Variants in TBP observed in about 807,000 individuals in gnomAD.
TBP encodes TATA-box binding protein.
Under a neutral mutation model 46.2 loss-of-function variants are expected in TBP, and 12 were observed. That is an observed-to-expected ratio of 0.26 (90% CI 0.17 to 0.42). The LOEUF is 0.42. Ranked by LOEUF, TBP falls within the 10% of genes least tolerant of loss-of-function variation. The pLI, the probability that TBP is intolerant of heterozygous loss-of-function variation, is 1.00. For missense variants in TBP, 229 were observed against 403.1 expected (o/e 0.57, Z 3.70); for synonymous variants, 157 against 148.3 (o/e 1.06, Z -0.42).
chr6:170,567,095 C>T, intron 5 of TBP, 86 bp downstream of exon 5: 1 of 913,754 alleles, frequency 1.1e-6, no homozygotes, highest in Admixed American at 2.8e-5. Flanking sequence ...TAGGTTAGCA[C>T]TTTAACATGT....
At chr6:170,570,040 G>A (rs1036235322) in intron 6 of TBP, among the ~76,000 whole-genome samples, 1 of 152,006 alleles carries the variant, frequency 6.6e-6, no homozygotes, top group African/African-American at 2.4e-5. Flanking sequence ...ATGTTTTATC[G>A]TTTTATTGCT....
intron 2 of TBP, among the ~76,000 whole-genome samples, chr6:170,560,899 A>T: frequency 6.6e-6 from 1 of 152,238 alleles, no homozygotes; most frequent in East Asian, 1.9e-4. Context: ...ACATAAACTT[A>T]GTTGATAAAG....
intron 6 of TBP, 62 bp from the exon 7 acceptor site, chr6:170,571,348 T>A: frequency 1.7e-6 from 2 of 1,201,050 alleles, no homozygotes; most frequent in South Asian, 2.6e-5. Context: ...GTACAGGTCC[T>A]CATTTTATCT....
chr6:170,563,901 A>G (rs912562050), intron 3 of TBP, among the ~76,000 whole-genome samples: 50 of 152,344 alleles, frequency 3.3e-4, no homozygotes, highest in African/African-American at 1.1e-3. Flanking sequence ...TTTTTAGTAT[A>G]TCTTTATCCT....
chr6:170,561,925 A>ACAGCAG lies in TBP; in HGVS notation c.210_215dup (p.Gln94_Gln95dup), dbSNP rs113202486. ...AACAAAGGCAGCAGCAGCAACAACA[A>ACAGCAG]CAGCAGCAGCAGCAGCAGCAGCAGC... On this transcript the variant is annotated inframe_insertion, in exon 3 of 8. Coordinates refer to ENST00000392092, the MANE Select transcript of TBP (RefSeq NM_003194.5). 4.0e-5 allele frequency: 39 copies of ACAGCAG among 981,382 alleles called. No individual in the cohort carries two copies. Among genetic ancestry groups the ACAGCAG allele is most frequent in the Middle Eastern group, 5.3e-4 (2 of 3,770 alleles). 60.8% of individuals were successfully genotyped at this position (981,382 alleles called of 1,614,324 possible). A position where few individuals can be genotyped will look rare whatever the true frequency, so the allele number is the denominator to read the frequency against.
chr6:170,568,743 G>A (rs1001832705), intron 5 of TBP, among the ~76,000 whole-genome samples: 6 of 123,104 alleles, frequency 4.9e-5, no homozygotes, highest in Non-Finnish European at 8.5e-5. Context: ...GTGAGCCACC[G>A]TGCCCGACCT....
intron 2 of TBP, among the ~76,000 whole-genome samples, chr6:170,558,698 TTTTTTTTTTAA>T (rs1779080785): frequency 1.4e-5 from 2 of 138,180 alleles, no homozygotes; most frequent in African/African-American, 6.8e-5. Flanking sequence ...TTTTTTTGTA[TTTTTTTTTTAA>T]TTTTTTTTTT....
At chr6:170,555,935 A>G (rs1043619950) in intron 1 of TBP, among the ~76,000 whole-genome samples, 1 of 152,184 alleles carries the variant, frequency 6.6e-6, no homozygotes, top group African/African-American at 2.4e-5. Flanking sequence ...ATTATAGGAT[A>G]ACTGTCAAAA....
At chr6:170,566,299 G>C (rs1198683022) in intron 4 of TBP, among the ~76,000 whole-genome samples, 1 of 152,014 alleles carries the variant, frequency 6.6e-6, no homozygotes, top group Non-Finnish European at 1.5e-5. Flanking sequence ...TACCACCTTA[G>C]CAAGAAAATT....
At chr6:170,564,682 T>A in intron 4 of TBP, 50 bp downstream of exon 4, 1 of 1,265,604 alleles carries the variant, frequency 7.9e-7, no homozygotes, top group Non-Finnish European at 1.1e-6. Flanking sequence ...TTGTCTCCTC[T>A]GCCGTGTCTC....
In TBP at chr6:170,572,614, TTTTTAA is replaced by T. The variant is rs1289569476; in HGVS notation, c.*357_*362del. On this transcript the variant is annotated 3_prime_UTR_variant, in exon 8 of 8. Transcript: ENST00000392092. ...AAGCCACCTCTATAATTGATTGGAC[TTTTTAA>T]TTTTAATGTTTTTCCCCATGAACCA... is the stretch of plus-strand genomic sequence containing the variant. 7 of 212,678 alleles carry T rather than the reference TTTTTAA, an allele frequency of 3.3e-5. No homozygotes were observed. The highest frequency in any genetic ancestry group is 1.2e-4 in the Admixed American group (2 of 17,304). 13.2% of individuals were successfully genotyped at this position (212,678 alleles called of 1,614,324 possible). A position where few individuals can be genotyped will look rare whatever the true frequency, so the allele number is the denominator to read the frequency against.
Position 170,569,668 on chromosome 6 carries a change from G to A in TBP, c.734G>A (p.Gly245Asp). The change falls in exon 6 of 8, where the codon GGT becomes GAT. Residue 245 changes from glycine (G) to aspartate (D), a missense_variant. Physicochemically the swap from Gly to Asp is moderately conservative, Grantham distance 94. Around this residue, in one of 4 missense-constraint regions of TBP, gnomAD observed 67 missense variants for 188.2 expected, o/e 0.36. Coordinates refer to ENST00000392092, the MANE Select transcript of TBP (RefSeq NM_003194.5). Reference sequence around the variant, plus strand: ...TATGCTAGAGTTGTACAGAAGTTGGGTTTTCCAGCTAAGTTCTTGGACTTC... The same window carrying A: ...TATGCTAGAGTTGTACAGAAGTTGGATTTTCCAGCTAAGTTCTTGGACTTC... The part of the protein sequence containing the change: ...RKYARVVQKL[G>D]FPAKFLDFKI... The A allele has an allele frequency of 1.2e-6, 2 of 1,614,130 alleles. No homozygotes were observed. Among genetic ancestry groups the A allele is most frequent in the Non-Finnish European group, 1.7e-6 (2 of 1,180,002 alleles).
Position 170,572,299 on chromosome 6 carries a change from TTC to T in TBP, c.*36_*37del. ...ATGTACCCTTGCCTCCCCCACCCCC[TTC>T]TTTTTTTTTTTTTAAACAAATCAGT... On this transcript the variant is annotated 3_prime_UTR_variant, in exon 8 of 8. Transcript: ENST00000392092. 6.7e-7 allele frequency: 1 copy of T among 1,481,870 alleles called. No homozygotes were observed. The highest frequency in any genetic ancestry group is 9.3e-7 in the Non-Finnish European group (1 of 1,080,182). The allele number at this position is 1,481,870 out of a possible 1,614,324, so 91.8% of individuals were successfully genotyped here.
chr6:170,556,790 G>A (rs995693989), intron 1 of TBP, 92 bp from the exon 2 acceptor site: 2 of 373,674 alleles, frequency 5.4e-6, no homozygotes, highest in African/African-American at 4.1e-5. Context: ...TGGTTTTCAT[G>A]TTTGTGTTTT....
intron 6 of TBP, among the ~76,000 whole-genome samples, chr6:170,570,832 C>CA (rs879630928): frequency 3.0e-3 from 422 of 140,656 alleles, no homozygotes; most frequent in African/African-American, 9.2e-3. Flanking sequence ...GACTCCGTCT[C>CA]AAAAAAAAAA....
intron 5 of TBP, among the ~76,000 whole-genome samples, chr6:170,568,110 A>T (rs1188692537): frequency 6.6e-6 from 1 of 152,190 alleles, no homozygotes; most frequent in Non-Finnish European, 1.5e-5. Context: ...AGAATGCAGG[A>T]CAAGGATGTG....
At chr6:170,560,344 A>T (rs1290837566) in intron 2 of TBP, among the ~76,000 whole-genome samples, 2 of 152,046 alleles carry the variant, frequency 1.3e-5, no homozygotes, top group Non-Finnish European at 2.9e-5. Context: ...ACAAAAAAAA[A>T]TTTTTTTTTA....
chr6:170,570,856 A>G (rs1779354360), intron 6 of TBP, among the ~76,000 whole-genome samples: 1 of 152,076 alleles, frequency 6.6e-6, no homozygotes, highest in Admixed American at 6.6e-5. Flanking sequence ...ATATATACCA[A>G]TAGTCCATTC....
At chr6:170,570,704 A>G (rs1779351698) in intron 6 of TBP, among the ~76,000 whole-genome samples, 1 of 152,178 alleles carries the variant, frequency 6.6e-6, no homozygotes, top group African/African-American at 2.4e-5. Flanking sequence ...ATGGTGGTGC[A>G]TGCCTGTAAT....
Sources: allele counts gnomAD v4.1 joint callset (sites outside exome capture counted in the v4.1 genomes callset), GRCh38; gene constraint gnomAD v4.1.1; regional missense constraint gnomAD v4.1.1; transcripts MANE v1.5; gene names NCBI Gene and HGNC (gene_info 2026-07-23, HGNC 2026-07-21).